Variants in DRG1 observed in about 807,000 individuals in gnomAD.
DRG1 encodes developmentally regulated GTP binding protein 1, also known as developmentally-regulated GTP-binding protein 1.
DRG1 carries 19 observed loss-of-function variants against 38.8 expected under a neutral mutation model. The observed-to-expected ratio is 0.49, with a 90% CI of 0.34 to 0.72. The LOEUF is 0.72. Ranked by LOEUF, DRG1 falls within the 30% of genes least tolerant of loss-of-function variation. The pLI is 0.01. For missense variants in DRG1, 299 were observed against 444.8 expected (o/e 0.67, Z 2.95); for synonymous variants, 167 against 157.5 (o/e 1.06, Z -0.45).
intron 3 of DRG1, among the ~76,000 whole-genome samples, chr22:31,409,990 G>A (rs367997019): frequency 9.3e-5 from 14 of 151,336 alleles, no homozygotes; most frequent in Non-Finnish European, 1.3e-4. Flanking sequence ...GTGAGACTCC[G>A]TCTTTTAAAA....
At chr22:31,433,219 G>GT (rs1405884625) in intron 8 of DRG1, among the ~76,000 whole-genome samples, 1 of 150,970 alleles carries the variant, frequency 6.6e-6, no homozygotes, top group Non-Finnish European at 1.5e-5. Flanking sequence ...TATTGTATCT[G>GT]TAAGAATCAG....
intron 4 of DRG1, among the ~76,000 whole-genome samples, chr22:31,416,911 A>C (rs2050047418): frequency 6.6e-6 from 1 of 151,158 alleles, no homozygotes. Flanking sequence ...AAAAAAAAAA[A>C]AAAAATAGCT....
At chr22:31,405,775 G>A (rs1030573536) in intron 3 of DRG1, among the ~76,000 whole-genome samples, 3 of 150,996 alleles carry the variant, frequency 2.0e-5, no homozygotes, top group Non-Finnish European at 4.4e-5. Flanking sequence ...TACAATCTCC[G>A]CCTCCCGGGT....
At chr22:31,416,145 C>T (rs1294877487) in intron 4 of DRG1, among the ~76,000 whole-genome samples, 2 of 152,032 alleles carry the variant, frequency 1.3e-5, no homozygotes, top group Non-Finnish European at 2.9e-5. Flanking sequence ...CCGATCTCTA[C>T]TAAAAATACA....
At chr22:31,418,402 G>A (rs1299354781) in intron 4 of DRG1, among the ~76,000 whole-genome samples, 1 of 152,172 alleles carries the variant, frequency 6.6e-6, no homozygotes, top group Non-Finnish European at 1.5e-5. Flanking sequence ...AGGTTATAAT[G>A]AGCTATGATC....
intron 8 of DRG1, among the ~76,000 whole-genome samples, chr22:31,432,372 T>C (rs1441596530): frequency 6.6e-6 from 1 of 151,850 alleles, no homozygotes; most frequent in South Asian, 2.1e-4. Flanking sequence ...ATTTCCTTCA[T>C]GTCCTTGACC....
chr22:31,426,059 A>C (rs2050108540), intron 6 of DRG1, among the ~76,000 whole-genome samples: 1 of 152,146 alleles, frequency 6.6e-6, no homozygotes, highest in Non-Finnish European at 1.5e-5. Flanking sequence ...TAAATAAAAC[A>C]CTTATTTTTT....
rs1291157684 is a variant in DRG1 at position 31,400,504 on chromosome 22, A to C, written c.43-116A>C. 4 of 1,353,792 alleles carry C rather than the reference A, an allele frequency of 3.0e-6. No homozygotes were observed. In the African/African-American group the frequency reaches 4.4e-5, roughly 15 times the overall value. 83.9% of individuals were successfully genotyped at this position (1,353,792 alleles called of 1,614,324 possible). A position where few individuals can be genotyped will look rare whatever the true frequency, so the allele number is the denominator to read the frequency against. On this transcript the variant is annotated intron_variant, in intron 1 of 8. Coordinates refer to ENST00000331457, the MANE Select transcript of DRG1 (RefSeq NM_004147.4). ...GAGATAATGGACTTTTACTCTTTTA[A>C]AGCCTGTAAACTGGGTGTGCTAACA...
intron 4 of DRG1, among the ~76,000 whole-genome samples, chr22:31,419,356 C>CTTT (rs965161326): frequency 7.2e-6 from 1 of 138,738 alleles, no homozygotes; most frequent in African/African-American, 2.6e-5. Flanking sequence ...CAAAAGACTA[C>CTTT]TTTTTTTTTT....
intron 2 of DRG1, among the ~76,000 whole-genome samples, chr22:31,402,128 A>T (rs965175198): frequency 3.9e-5 from 6 of 152,182 alleles, no homozygotes; most frequent in Non-Finnish European, 7.3e-5. Context: ...CATCAACAAG[A>T]TTAAAAATAA....
Position 31,400,710 on chromosome 22 carries a change from C to G in DRG1, c.133C>G (p.Pro45Ala). 1.2e-6 allele frequency: 2 copies of G among 1,613,256 alleles called. No individual in the cohort carries two copies. The highest frequency in any genetic ancestry group is 1.7e-6 in the Non-Finnish European group (2 of 1,179,536). The change falls in exon 2 of 9, where the codon CCA becomes GCA. Residue 45 changes from proline (P) to alanine (A), a missense_variant. Transcript: ENST00000331457. ...TAAGCTTCGTCGAGAACTCATTACT[C>G]CAAAGGGTGGTGGTGGTGGAGGTCC... is the stretch of plus-strand genomic sequence containing the variant. ...LAKLRRELIT[P>A]KGGGGGGPGE...
intron 4 of DRG1, among the ~76,000 whole-genome samples, chr22:31,411,702 T>C (rs1237597973): frequency 2.0e-5 from 3 of 151,618 alleles, no homozygotes; most frequent in Non-Finnish European, 2.9e-5. Flanking sequence ...GCTAATTTTT[T>C]TTTTTTTGGT....
At chr22:31,405,675 G>T (rs2049985568) in intron 3 of DRG1, among the ~76,000 whole-genome samples, 2 of 150,360 alleles carry the variant, frequency 1.3e-5, no homozygotes, top group Admixed American at 6.7e-5. Context: ...GCATGTGTGT[G>T]TGTGTGGGGG....
chr22:31,410,456 AAAAC>A (rs72248884), intron 3 of DRG1, among the ~76,000 whole-genome samples: 5,009 of 151,962 alleles, frequency 0.033, 200 homozygotes, highest in Admixed American at 0.081. Flanking sequence ...CTCCTCTCCC[AAAAC>A]AAACAAACAA....
At chr22:31,426,445 C>CA (rs1355588304) in intron 6 of DRG1, 170 bp from the exon 7 acceptor site, 2 of 575,580 alleles carry the variant, frequency 3.5e-6, no homozygotes, top group Non-Finnish European at 5.9e-6. Context: ...TGTTACTTTT[C>CA]AACCCATAGT....
intron 5 of DRG1, among the ~76,000 whole-genome samples, 170 bp downstream of exon 5, chr22:31,420,595 GA>G (rs2050071513): frequency 1.3e-5 from 2 of 152,166 alleles, no homozygotes; most frequent in African/African-American, 2.4e-5. Context: ...ATTAGGATAG[GA>G]GCCAGTCTCA....
chr22:31,423,235 T>G (rs1263011182), intron 5 of DRG1, 45 bp from the exon 6 acceptor site: 2 of 1,607,236 alleles, frequency 1.2e-6, no homozygotes, highest in Non-Finnish European at 1.7e-6. Flanking sequence ...GACAAGTATT[T>G]TTTTTAAATT....
chr22:31,431,599 T>C (rs1342978742), intron 8 of DRG1, among the ~76,000 whole-genome samples: 8 of 152,072 alleles, frequency 5.3e-5, no homozygotes, highest in Non-Finnish European at 8.8e-5. Context: ...GAGGTTGACA[T>C]TGCAGCGAGC....
chr22:31,423,814 A>T (rs1293792954), intron 6 of DRG1, among the ~76,000 whole-genome samples: 1 of 149,362 alleles, frequency 6.7e-6, no homozygotes, highest in Non-Finnish European at 1.5e-5. Context: ...GGCATGAGCC[A>T]CTGTGTCCAG....
Sources: allele counts gnomAD v4.1 joint callset (sites outside exome capture counted in the v4.1 genomes callset), GRCh38; gene constraint gnomAD v4.1.1; transcripts MANE v1.5; gene names NCBI Gene and HGNC (gene_info 2026-07-23, HGNC 2026-07-21).